Variants in PCSK5 observed in about 807,000 individuals in gnomAD.
PCSK5 encodes proprotein convertase subtilisin/kexin type 5.
Under a neutral mutation model 233.2 loss-of-function variants are expected in PCSK5, and 129 were observed. That is an observed-to-expected ratio of 0.55 (90% CI 0.48 to 0.64). PCSK5 has a LOEUF of 0.64. Ranked by LOEUF, PCSK5 falls within the 30% of genes least tolerant of loss-of-function variation. The pLI is 0.00. For missense variants in PCSK5, 2,076 were observed against 2,430.1 expected, an observed-to-expected ratio of 0.85 and a Z score of 3.06; for synonymous variants, 825 against 879.2, an observed-to-expected ratio of 0.94 and a Z score of 1.09.
At position 76,240,645 on chromosome 9, in the gene PCSK5, T is replaced by A; in HGVS notation, c.3103T>A (p.Cys1035Ser). ...AGTCCAAGACCCAGACTATGAAGAA[T>A]GTGTCCCTTGTGAAGAAGGATGTCT... Reference protein sequence around the residue: ...GEVQDPDYEECVPCEEGCLGC... With the variant: ...GEVQDPDYEESVPCEEGCLGC... Residue 1035 changes from cysteine (C) to serine (S), a missense_variant, in exon 24 of 38, where the codon TGT becomes AGT. By Grantham distance (112) the Cys-to-Ser change is moderately radical. Around this residue, in one of 6 missense-constraint regions of PCSK5, gnomAD observed 1,510 missense variants for 1,538.1 expected, o/e 0.98. Transcript: ENST00000674117. 6.3e-7 allele frequency: 1 copy of A among 1,580,752 alleles called. No individual in the cohort carries two copies. The highest frequency in any genetic ancestry group is 8.6e-7 in the Non-Finnish European group (1 of 1,161,706).
chr9:76,046,178 T>TG (rs1563993027), intron 5 of PCSK5, among the ~76,000 whole-genome samples: 13 of 120,368 alleles, frequency 1.1e-4, no homozygotes, highest in Non-Finnish European at 1.7e-4. Flanking sequence ...TTTTTTTTTT[T>TG]TTTTTTTTTT....
chr9:76,225,682 T>G (rs1340652187), intron 20 of PCSK5, among the ~76,000 whole-genome samples: 1 of 152,218 alleles, frequency 6.6e-6, no homozygotes, highest in African/African-American at 2.4e-5. Context: ...ACTATGATGA[T>G]GCCTGTAGTC....
chr9:76,021,685 A>T (rs909595327), intron 3 of PCSK5, among the ~76,000 whole-genome samples: 1 of 152,184 alleles, frequency 6.6e-6, no homozygotes, highest in African/African-American at 2.4e-5. Flanking sequence ...ACTCAAATGT[A>T]TTTATAACAC....
In PCSK5 at chr9:76,135,696, G is replaced by A. The variant is rs150282126; in HGVS notation, c.1312+1484G>A. 3.2e-3 allele frequency among the ~76,000 whole-genome samples: 482 copies of A among 152,078 alleles called. 3 individuals are homozygous for A. The highest frequency in any genetic ancestry group is 0.011 in the African/African-American group (446 of 41,508). On this transcript the variant is annotated intron_variant, in intron 10 of 37. Transcript: ENST00000674117. ...ATTAGCTTCCACATGCTCCCAACTC[G>A]TACAATATAAATCCATGAGGCTGCA...
chr9:75,934,111 C>T (rs1823939079), intron 2 of PCSK5, among the ~76,000 whole-genome samples: 1 of 152,138 alleles, frequency 6.6e-6, no homozygotes, highest in Non-Finnish European at 1.5e-5. Flanking sequence ...CCGACAGAGA[C>T]CTTGTATGCT....
rs1362067598 is a variant in PCSK5 at position 76,227,507 on chromosome 9, A to G, written c.2631A>G (p.Glu877=). The change falls in exon 21 of 38, where the codon GAA becomes GAG. Residue 877 remains glutamate (E), a synonymous_variant. Coordinates refer to ENST00000674117, the MANE Select transcript of PCSK5 (RefSeq NM_001372043.1). ...CQMGAICKDG[E]YVDEHGHCQT... ...CAACTAGATTTTGTTCCCCAGGAGAATATGTTGATGAGCATGGCCACTGCC... is the reference window on the plus strand; with the variant it reads ...CAACTAGATTTTGTTCCCCAGGAGAGTATGTTGATGAGCATGGCCACTGCC... 1 of 1,608,744 alleles carries G rather than the reference A, an allele frequency of 6.2e-7. No homozygotes were observed. Among genetic ancestry groups the G allele is most frequent in the East Asian group, 2.2e-5 (1 of 44,750 alleles).
At chr9:75,903,628 A>G (rs1826150642) in intron 1 of PCSK5, among the ~76,000 whole-genome samples, 1 of 144,590 alleles carries the variant, frequency 6.9e-6, no homozygotes, top group African/African-American at 2.5e-5. Flanking sequence ...TATATATAAA[A>G]TAAGTATTTA....
chr9:75,982,775 C>A (rs539032185), intron 2 of PCSK5, among the ~76,000 whole-genome samples: 1 of 125,242 alleles, frequency 8.0e-6, no homozygotes, highest in Non-Finnish European at 1.7e-5. Context: ...TTGGCCATGT[C>A]GTTCACATTA....
chr9:76,269,804 T>G (rs1474808061), intron 24 of PCSK5, among the ~76,000 whole-genome samples: 2 of 152,182 alleles, frequency 1.3e-5, no homozygotes, highest in South Asian at 2.1e-4. Context: ...TGAAGAAAAC[T>G]ATTTCCAAAA....
At chr9:76,068,926 A>G (rs1355086605) in intron 6 of PCSK5, among the ~76,000 whole-genome samples, 2 of 152,192 alleles carry the variant, frequency 1.3e-5, no homozygotes, top group African/African-American at 2.4e-5. Flanking sequence ...TGTTAGAACT[A>G]AAAAATAAAA....
At chr9:76,245,985 A>G (rs1377364129) in intron 24 of PCSK5, among the ~76,000 whole-genome samples, 1 of 152,132 alleles carries the variant, frequency 6.6e-6, no homozygotes, top group Non-Finnish European at 1.5e-5. Flanking sequence ...CATGAAACAA[A>G]TGGCCTTCAA....
intron 2 of PCSK5, among the ~76,000 whole-genome samples, chr9:75,952,835 A>C (rs563538827): frequency 1.3e-5 from 2 of 152,332 alleles, no homozygotes; most frequent in African/African-American, 2.4e-5. Flanking sequence ...TATTACATGG[A>C]TGTATCATGG....
intron 2 of PCSK5, among the ~76,000 whole-genome samples, chr9:75,978,949 C>T (rs939155945): frequency 6.2e-5 from 9 of 146,340 alleles, no homozygotes; most frequent in Non-Finnish European, 7.5e-5. Flanking sequence ...CTTGGCTCAC[C>T]GCAACCTCCA....
intron 20 of PCSK5, among the ~76,000 whole-genome samples, chr9:76,190,628 T>C (rs893961929): frequency 1.3e-5 from 2 of 152,202 alleles, no homozygotes; most frequent in African/African-American, 4.8e-5. Flanking sequence ...TTATTTGGAT[T>C]GTTTATAATT....
Position 76,323,932 on chromosome 9 carries a change from A to ATTTTTTTTTTTTT in PCSK5, c.4339+648_4339+660dup, listed in dbSNP as rs60451634. Among the ~76,000 whole-genome samples, 5 of 139,406 alleles carry ATTTTTTTTTTTTT rather than the reference A, an allele frequency of 3.6e-5. 1 individual carries two copies. The allele number at this position is 139,406 out of a possible 152,430, so 91.5% of individuals were successfully genotyped here. A position where few individuals can be genotyped will look rare whatever the true frequency, so the allele number is the denominator to read the frequency against. ...TGCCTCTTGTCTCCCTTCCTGGGTG[A>ATTTTTTTTTTTTT]TTTTTTTTTTTTTTTTGAGACAGAG... is the stretch of plus-strand genomic sequence containing the variant. On this transcript the variant is annotated intron_variant, in intron 32 of 37. Transcript: ENST00000674117.
chr9:76,228,798 A>G (rs1825979999), intron 21 of PCSK5, among the ~76,000 whole-genome samples: 1 of 152,244 alleles, frequency 6.6e-6, no homozygotes, highest in Non-Finnish European at 1.5e-5. Flanking sequence ...TGGGATGGAC[A>G]TGCCCTCTGC....
At chr9:76,023,654 A>C in intron 3 of PCSK5, 84 bp from the exon 4 acceptor site, 1 of 1,369,964 alleles carries the variant, frequency 7.3e-7, no homozygotes, top group Non-Finnish European at 9.9e-7. Flanking sequence ...CAGAGAAAAA[A>C]AAAAACAAAA....
intron 3 of PCSK5, among the ~76,000 whole-genome samples, chr9:76,011,979 G>A (rs774017210): frequency 6.6e-6 from 1 of 151,904 alleles, no homozygotes; most frequent in South Asian, 2.1e-4. Context: ...ATTATAGTTT[G>A]TCTTATTTGC....
In PCSK5 at chr9:75,891,078, C is replaced by CCCGGGGCTGCGAGCTGCGGCGGA; in HGVS notation, c.-94_-93insGAGCTGCGGCGGACCGGGGCTGC. ...CGCCCGGGGCTGCGAGCTGCGGCGG[C>CCCGGGGCTGCGAGCTGCGGCGGA]CCGGGGCTGCTCGCCGGGCGGCGCA... is the stretch of plus-strand genomic sequence containing the variant. On this transcript the variant is annotated 5_prime_UTR_variant, in exon 1 of 38. Transcript: ENST00000674117. The CCCGGGGCTGCGAGCTGCGGCGGA allele has an allele frequency of 8.9e-7, 1 of 1,120,004 alleles. No individual in the cohort carries two copies. Among genetic ancestry groups the CCCGGGGCTGCGAGCTGCGGCGGA allele is most frequent in the Non-Finnish European group, 1.2e-6 (1 of 854,622 alleles). The allele number at this position is 1,120,004 out of a possible 1,614,324, so 69.4% of individuals were successfully genotyped here.
Sources: allele counts gnomAD v4.1 joint callset (sites outside exome capture counted in the v4.1 genomes callset), GRCh38; gene constraint gnomAD v4.1.1; regional missense constraint gnomAD v4.1.1; transcripts MANE v1.5; gene names NCBI Gene and HGNC (gene_info 2026-07-23, HGNC 2026-07-21).